The following PPP1R1C variants were observed in gnomAD, a reference collection of about 807,000 sequenced individuals.
The protein encoded by PPP1R1C is protein phosphatase 1 regulatory inhibitor subunit 1C.
Under a neutral mutation model 17.4 loss-of-function variants are expected in PPP1R1C, and 15 were observed. That is an observed-to-expected ratio of 0.86 (90% CI 0.58 to 1.33). The LOEUF (loss-of-function observed/expected upper bound fraction) is 1.33, where lower values mean the gene tolerates loss of function less well. PPP1R1C is among the 40% of genes most tolerant of loss of function. PPP1R1C has a pLI of 0.00. For missense variants in PPP1R1C, 143 were observed against 130.0 expected, an observed-to-expected ratio of 1.10 and a Z score of -0.48; for synonymous variants, 35 against 43.1, an observed-to-expected ratio of 0.81 and a Z score of 0.73.
chr2:181,960,646 T>TTC (rs1684759306), intron 1 of PPP1R1C, among the ~76,000 whole-genome samples: 2 of 152,202 alleles, frequency 1.3e-5, no homozygotes, highest in South Asian at 4.1e-4. Context: ...AAACTCAGAA[T>TTC]TCTCTCTGCC....
chr2:182,103,940 G>A (rs1456557238), intron 4 of PPP1R1C: 1 of 152,170 alleles, frequency 6.6e-6, no homozygotes, highest in African/African-American at 2.4e-5. Context: ...GAGAATCACT[G>A]AGGGGACCAA....
At chr2:182,000,530 G>T (rs1301070139) in intron 2 of PPP1R1C, among the ~76,000 whole-genome samples, 1 of 152,110 alleles carries the variant, frequency 6.6e-6, no homozygotes, top group Non-Finnish European at 1.5e-5. Flanking sequence ...CAACTAATTG[G>T]AATTGGACAA....
intron 5 of PPP1R1C, among the ~76,000 whole-genome samples, chr2:182,126,150 C>A: frequency 6.6e-6 from 1 of 151,850 alleles, no homozygotes; most frequent in Non-Finnish European, 1.5e-5. Flanking sequence ...CATAAATAAA[C>A]CATATATATT....
At chr2:182,059,638 T>C (rs550684549) in intron 2 of PPP1R1C, among the ~76,000 whole-genome samples, 7 of 152,220 alleles carry the variant, frequency 4.6e-5, no homozygotes, top group Admixed American at 4.6e-4. Flanking sequence ...CTTTTCAATT[T>C]CAAGACAAGA....
At chr2:182,070,630 A>G (rs974704691) in intron 4 of PPP1R1C, among the ~76,000 whole-genome samples, 1 of 152,212 alleles carries the variant, frequency 6.6e-6, no homozygotes, top group Non-Finnish European at 1.5e-5. Context: ...CCTATTATTT[A>G]TGTCTCATGT....
At chr2:182,078,523 T>C (rs1159600113) in intron 4 of PPP1R1C, among the ~76,000 whole-genome samples, 1 of 152,146 alleles carries the variant, frequency 6.6e-6, no homozygotes, top group Non-Finnish European at 1.5e-5. Context: ...AAATGAAAGA[T>C]GTAAAGAAAT....
intron 2 of PPP1R1C, among the ~76,000 whole-genome samples, chr2:181,992,883 C>T (rs1336639418): frequency 6.6e-6 from 1 of 152,088 alleles, no homozygotes; most frequent in Non-Finnish European, 1.5e-5. Context: ...AAATATAATA[C>T]TATCTCCTTT....
chr2:182,117,157 A>T (rs1442642280), intron 4 of PPP1R1C, 50 bp from the exon 5 acceptor site: 5 of 1,277,990 alleles, frequency 3.9e-6, no homozygotes. Context: ...AGCGGTTAAT[A>T]TTCCAGAAAT....
intron 4 of PPP1R1C, among the ~76,000 whole-genome samples, chr2:182,106,696 GC>G (rs1392552884): frequency 1.1e-4 from 17 of 152,160 alleles, no homozygotes; most frequent in African/African-American, 4.1e-4. Context: ...AAGGCATGGG[GC>G]CTAATTGAGC....
intron 4 of PPP1R1C, among the ~76,000 whole-genome samples, chr2:182,074,004 C>CCAGGGCAAAAGGACAAAGTAGTT (rs935037010): frequency 2.6e-5 from 4 of 151,574 alleles, no homozygotes; most frequent in African/African-American, 9.7e-5. Context: ...AGATTTGGGA[C>CCAGGGCAAAAGGACAAAGTAGTT]CAGGGCAAAA....
intron 4 of PPP1R1C, among the ~76,000 whole-genome samples, chr2:182,065,561 G>A (rs1428454203): frequency 6.6e-6 from 1 of 152,062 alleles, no homozygotes; most frequent in Non-Finnish European, 1.5e-5. Context: ...GTTATTGAGT[G>A]TAAAAACATT....
chr2:182,024,796 A>T (rs925736595), intron 2 of PPP1R1C, among the ~76,000 whole-genome samples: 2 of 152,098 alleles, frequency 1.3e-5, no homozygotes, highest in African/African-American at 2.4e-5. Context: ...CAGAGGTTGC[A>T]GTGAGCTGAG....
At chr2:182,007,834 G>A (rs1289843579) in intron 2 of PPP1R1C, among the ~76,000 whole-genome samples, 4 of 152,162 alleles carry the variant, frequency 2.6e-5, no homozygotes, top group African/African-American at 7.2e-5. Flanking sequence ...AGGCTGAGGC[G>A]GGTGGATCAC....
intron 4 of PPP1R1C, among the ~76,000 whole-genome samples, chr2:182,115,520 A>G (rs1689556129): frequency 6.6e-6 from 1 of 152,148 alleles, no homozygotes; most frequent in Non-Finnish European, 1.5e-5. Context: ...TTAGTGAGTC[A>G]TGTATGTAAG....
At chr2:181,971,269 C>T (rs990827024) in intron 1 of PPP1R1C, among the ~76,000 whole-genome samples, 1 of 152,162 alleles carries the variant, frequency 6.6e-6, no homozygotes, top group African/African-American at 2.4e-5. Flanking sequence ...CCCAAGGGCT[C>T]TTTAATCAGC....
chr2:182,016,803 G>A (rs1369488721), intron 2 of PPP1R1C, among the ~76,000 whole-genome samples: 2 of 152,112 alleles, frequency 1.3e-5, no homozygotes, highest in Non-Finnish European at 1.5e-5. Context: ...GTGAGTCTGA[G>A]TTCCTGATTT....
chr2:182,063,912 C>CAGTGTT, intron 4 of PPP1R1C, 121 bp downstream of exon 4: 1 of 788,444 alleles, frequency 1.3e-6, no homozygotes, highest in Non-Finnish European at 2.3e-6. Flanking sequence ...TACAACTTAA[C>CAGTGTT]AGTGTTATGT....
rs369325862 is a variant in PPP1R1C, at chr2:182,041,146, T to C, written c.143-20296T>C. Among the ~76,000 whole-genome samples, 26 of 152,340 alleles carry C rather than the reference T, an allele frequency of 1.7e-4. No homozygotes were observed. In the East Asian group the frequency reaches 5.0e-3, roughly 29 times the overall value. On this transcript the variant is annotated intron_variant, in intron 2 of 4. Coordinates refer to ENST00000682840, the MANE Select transcript of PPP1R1C (RefSeq NM_001080545.3). ...TTTGCTCTTCAGGCTCCTTTTTGGTTCCATTTGAATTTTAGGGTTGTTGTT... is the reference window on the plus strand; with the variant it reads ...TTTGCTCTTCAGGCTCCTTTTTGGTCCCATTTGAATTTTAGGGTTGTTGTT...
intron 4 of PPP1R1C, among the ~76,000 whole-genome samples, chr2:182,103,214 A>G (rs908263697): frequency 8.5e-5 from 13 of 152,232 alleles, no homozygotes; most frequent in African/African-American, 3.1e-4. Context: ...TGAGAAACTA[A>G]GTAAATTAAA....
Sources: allele counts gnomAD v4.1 joint callset (sites outside exome capture counted in the v4.1 genomes callset), GRCh38; gene constraint gnomAD v4.1.1; transcripts MANE v1.5; gene names NCBI Gene and HGNC (gene_info 2026-07-23, HGNC 2026-07-21).